NT5C3A: variants seen among roughly 807,000 people sequenced by gnomAD.
NT5C3A encodes 5'-nucleotidase, cytosolic IIIA, also known as cytosolic 5'-nucleotidase 3A.
In NT5C3A, 23 loss-of-function variants were observed where a neutral mutation model predicts 40.0. That is an observed-to-expected ratio of 0.58 (90% CI 0.41 to 0.81). The LOEUF is 0.81. Among genes scored for constraint, NT5C3A ranks in the 40% least tolerant of loss-of-function variants. The probability of loss-of-function intolerance (pLI) is 0.00; values close to 1 mark genes in which losing one functional copy is unlikely to be tolerated. For missense variants in NT5C3A, 328 were observed against 403.0 expected (o/e 0.81, Z 1.59); for synonymous variants, 130 against 141.4 (o/e 0.92, Z 0.57).
Position 33,014,823 on chromosome 7 carries a change from C to G in NT5C3A, c.903G>C (p.Glu301Asp), listed in dbSNP as rs138845909. The G allele has an allele frequency of 2.4e-4, 384 of 1,611,264 alleles. No homozygotes were observed. Among genetic ancestry groups the G allele is most frequent in the Non-Finnish European group, 3.2e-4 (374 of 1,178,922 alleles). ...AAGAGTCCATGTACTTTTCTAAAAGCTCATCCACCTAATCAAGAGATGAAC... is the reference window on the plus strand; with the variant it reads ...AAGAGTCCATGTACTTTTCTAAAAGGTCATCCACCTAATCAAGAGATGAAC... ...KIGYLNDRVD[E>D]LLEKYMDSYD... is the part of the protein sequence containing the mutation. The change falls in exon 9 of 9, where the codon GAG (glutamate) becomes GAC (aspartate). Residue 301 changes from glutamate to aspartate, a missense_variant. By Grantham distance (45) the Glu-to-Asp change is conservative. Around this residue, in one of 3 missense-constraint regions of NT5C3A, gnomAD observed 36 missense variants for 51.1 expected, o/e 0.70. Coordinates refer to ENST00000610140, the MANE Select transcript of NT5C3A (RefSeq NM_001002010.5).
intron 1 of NT5C3A, among the ~76,000 whole-genome samples, chr7:33,034,796 G>A (rs976914342): frequency 2.0e-5 from 3 of 148,326 alleles, no homozygotes; most frequent in African/African-American, 7.9e-5. Context: ...AAAAGCTAGA[G>A]AGAAAGAGAA....
chr7:33,055,095 C>T (rs751339560), intron 1 of NT5C3A, among the ~76,000 whole-genome samples: 2 of 152,066 alleles, frequency 1.3e-5, no homozygotes, highest in Admixed American at 6.6e-5. Context: ...GAGGCCAAGG[C>T]GGGCGGATCA....
chr7:33,040,429 T>C (rs1583946984), intron 1 of NT5C3A, among the ~76,000 whole-genome samples: 1 of 152,206 alleles, frequency 6.6e-6, no homozygotes, highest in African/African-American at 2.4e-5. Flanking sequence ...AAAGCTCACA[T>C]GCACAAAATA....
chr7:33,030,163 ATACTT>A (rs1277866857), intron 1 of NT5C3A, among the ~76,000 whole-genome samples: 1 of 152,240 alleles, frequency 6.6e-6, no homozygotes, highest in East Asian at 1.9e-4. Context: ...TTTTACTCAA[ATACTT>A]TACAATATAG....
At chr7:33,057,059 C>T (rs1265761731) in intron 1 of NT5C3A, among the ~76,000 whole-genome samples, 3 of 152,088 alleles carry the variant, frequency 2.0e-5, no homozygotes, top group African/African-American at 4.8e-5. Context: ...GTGATCCGCC[C>T]GCCTTGGCCT....
At chr7:33,053,567 G>GT (rs1053709921) in intron 1 of NT5C3A, among the ~76,000 whole-genome samples, 5 of 151,598 alleles carry the variant, frequency 3.3e-5, no homozygotes, top group Admixed American at 6.6e-5. Context: ...AGGCTGAGGG[G>GT]GGAAGACGGT....
intron 2 of NT5C3A, among the ~76,000 whole-genome samples, chr7:33,025,477 C>A (rs1269717930): frequency 6.6e-6 from 1 of 151,658 alleles, no homozygotes; most frequent in Non-Finnish European, 1.5e-5. Flanking sequence ...TTTTTTTTTA[C>A]AGAATATCCA....
Position 33,022,083 on chromosome 7 carries a change from A to G in NT5C3A, c.324T>C (p.Cys108=), listed in dbSNP as rs1785658310. 9 of 1,522,660 alleles carry G rather than the reference A, an allele frequency of 5.9e-6. No individual in the cohort carries two copies. The Admixed American group carries it at 1.0e-4, about 17-fold the overall frequency. 94.3% of individuals were successfully genotyped at this position (1,522,660 alleles called of 1,614,324 possible). Reference sequence around the variant, plus strand: ...TTCTACATTCATCTGTAACCAGCTTACAGTTGTCAATGATATCTAAAGATA... The same window carrying G: ...TTCTACATTCATCTGTAACCAGCTTGCAGTTGTCAATGATATCTAAAGATA... ...CPTCHNIIDN[C]KLVTDECRKK... The change falls in exon 4 of 9, where the codon TGT becomes TGC. Residue 108 remains cysteine (C), a synonymous_variant. Coordinates refer to ENST00000610140, the MANE Select transcript of NT5C3A (RefSeq NM_001002010.5).
At chr7:33,053,811 G>GA (rs1271306575) in intron 1 of NT5C3A, among the ~76,000 whole-genome samples, 4 of 151,842 alleles carry the variant, frequency 2.6e-5, no homozygotes, top group South Asian at 2.1e-4. Flanking sequence ...AAAGGAAAGA[G>GA]AAAAAAAATT....
In NT5C3A at chr7:33,024,068, T is replaced by C. The variant is rs773597198; in HGVS notation, c.278A>G (p.Tyr93Cys). The C allele has an allele frequency of 3.8e-6, 6 of 1,580,980 alleles. No individual in the cohort carries two copies. Among genetic ancestry groups the C allele is most frequent in the Admixed American group, 1.7e-5 (1 of 59,912 alleles). ...ACATGTTGGGCATCTTTTCCCTTTA[T>C]ATGAAAATCTACTGAGTGTCATATC... ...DFDMTLSRFS[Y>C]KGKRCPTCHN... is the part of the protein sequence containing the mutation. The change falls in exon 3 of 9, where the codon TAT (tyrosine) becomes TGT (cysteine). Residue 93 changes from tyrosine (Y) to cysteine (C), a missense_variant. Coordinates refer to ENST00000610140, the MANE Select transcript of NT5C3A (RefSeq NM_001002010.5).
intron 1 of NT5C3A, chr7:33,040,804 T>C (rs1230422021): frequency 3.7e-6 from 3 of 802,276 alleles, no homozygotes; most frequent in Non-Finnish European, 4.5e-6. Context: ...CAGTAAGTTA[T>C]AGAATCAAAT....
At position 33,014,806 on chromosome 7, in the gene NT5C3A, A is replaced by C; in HGVS notation, c.920T>G (p.Met307Arg). Residue 307 changes from methionine to arginine, a missense_variant, in exon 9 of 9, where the codon ATG (methionine) becomes AGG (arginine). Transcript: ENST00000610140. ...TACTAAAACAATATCATAAGAGTCC[A>C]TGTACTTTTCTAAAAGCTCATCCAC... ...DRVDELLEKYMDSYDIVLVQD... is the reference protein window; with the variant it reads ...DRVDELLEKYRDSYDIVLVQD... The C allele has an allele frequency of 1.2e-6, 2 of 1,613,016 alleles. No homozygotes were observed. Among genetic ancestry groups the C allele is most frequent in the Non-Finnish European group, 1.7e-6 (2 of 1,179,692 alleles).
chr7:33,061,403 T>C (rs904531855), intron 1 of NT5C3A, among the ~76,000 whole-genome samples: 1 of 152,124 alleles, frequency 6.6e-6, no homozygotes, highest in Non-Finnish European at 1.5e-5. Flanking sequence ...CTTTTTTTTT[T>C]AAGAGACAGG....
chr7:33,033,183 T>C (rs1218273292), intron 1 of NT5C3A, among the ~76,000 whole-genome samples: 1 of 152,246 alleles, frequency 6.6e-6, no homozygotes, highest in South Asian at 2.1e-4. Flanking sequence ...GGTTTTCCAT[T>C]GTTTATATTT....
At chr7:33,036,873 A>G (rs6968519) in intron 1 of NT5C3A, among the ~76,000 whole-genome samples, 114,603 of 152,018 alleles carry the variant, frequency 0.75, 43,670 homozygotes, top group African/African-American at 0.86. Context: ...GTGCAGTGGC[A>G]TGATCTCAGC....
intron 1 of NT5C3A, chr7:33,035,995 T>C: frequency 6.2e-7 from 1 of 1,612,456 alleles, no homozygotes. Context: ...TCTTCTGGAT[T>C]TTCCCAGGTG....
chr7:33,032,194 C>T (rs1786303941), intron 1 of NT5C3A, among the ~76,000 whole-genome samples: 2 of 151,964 alleles, frequency 1.3e-5, no homozygotes, highest in Admixed American at 6.6e-5. Context: ...GAGGCCAAGG[C>T]AGGCAGATCA....
intron 1 of NT5C3A, among the ~76,000 whole-genome samples, chr7:33,044,813 A>G (rs900038281): frequency 1.3e-5 from 2 of 152,226 alleles, no homozygotes; most frequent in Non-Finnish European, 2.9e-5. Context: ...GAAATTCCAA[A>G]TAATGAAAAA....
At chr7:33,020,781 T>TC (rs897998041) in intron 5 of NT5C3A, among the ~76,000 whole-genome samples, 3 of 151,890 alleles carry the variant, frequency 2.0e-5, no homozygotes, top group African/African-American at 7.2e-5. Context: ...ATCTATTTTT[T>TC]TTTTTTTTGG....
Sources: gnomAD v4.1 joint callset for allele counts (sites outside exome capture counted in the v4.1 genomes callset) on GRCh38, gnomAD v4.1.1 for gene constraint, gnomAD v4.1.1 regional missense constraint, MANE v1.5 for transcripts, NCBI Gene and HGNC (gene_info 2026-07-23, HGNC 2026-07-21) for gene names.